TBXAS1: variants seen among roughly 807,000 people sequenced by gnomAD.
TBXAS1 encodes the protein thromboxane-A synthase.
In TBXAS1, 48 loss-of-function variants were observed where a neutral mutation model predicts 60.7. The observed-to-expected ratio is 0.79, with a 90% CI of 0.63 to 1.01. The LOEUF (loss-of-function observed/expected upper bound fraction) is 1.01, where lower values mean the gene tolerates loss of function less well. TBXAS1 is among the 50% of genes least tolerant of loss of function. The pLI is 0.00. For synonymous variants in TBXAS1, 287 were observed against 269.7 expected, an observed-to-expected ratio of 1.06 and a Z score of -0.63; for missense variants, 685 against 686.3, an observed-to-expected ratio of 1.00 and a Z score of 0.02.
At chr7:139,997,208 T>C (rs115954105) in intron 9 of TBXAS1, among the ~76,000 whole-genome samples, 361 of 152,026 alleles carry the variant, frequency 2.4e-3, no homozygotes, top group African/African-American at 7.5e-3. Flanking sequence ...CTAATCGGAG[T>C]AAATAGAGGG....
chr7:139,906,229 G>T, intron 3 of TBXAS1: 1 of 190,604 alleles, frequency 5.2e-6, no homozygotes, highest in Non-Finnish European at 1.1e-5. Context: ...ATAGTTATTT[G>T]TATTTTTAGT....
At chr7:140,017,641 T>G (rs1569525554) in intron 11 of TBXAS1, 30 bp from the exon 12 acceptor site, 4 of 1,610,542 alleles carry the variant, frequency 2.5e-6, no homozygotes, top group Non-Finnish European at 3.4e-6. Flanking sequence ...GCGGGTGTTC[T>G]GGGCCAGCCC....
intron 9 of TBXAS1, among the ~76,000 whole-genome samples, chr7:139,969,730 G>A (rs1363175735): frequency 6.6e-6 from 1 of 152,118 alleles, no homozygotes; most frequent in Non-Finnish European, 1.5e-5. Context: ...GCTGGGGTCG[G>A]GCTACCCACA....
intron 3 of TBXAS1, among the ~76,000 whole-genome samples, chr7:139,886,108 C>T (rs985273392): frequency 5.3e-5 from 8 of 152,160 alleles, no homozygotes; most frequent in African/African-American, 1.9e-4. Flanking sequence ...TAGCAAGGCC[C>T]CACCAAGTTT....
At chr7:139,825,070 C>G (rs990091167), upstream of TBXAS1, among the ~76,000 whole-genome samples, 1 of 151,958 alleles carries the variant, frequency 6.6e-6, no homozygotes, top group African/African-American at 2.4e-5. Flanking sequence ...CTCTGGTGAT[C>G]CACCTGCCTC....
chr7:139,874,319 C>T (rs1460653237), intron 2 of TBXAS1, among the ~76,000 whole-genome samples: 5 of 152,092 alleles, frequency 3.3e-5, no homozygotes, highest in Non-Finnish European at 5.9e-5. Context: ...AGTTGTATTC[C>T]GTGGAATAAT....
chr7:139,802,646 G>GT (rs1319796644), intron 4 of TBXAS1, among the ~76,000 whole-genome samples: 1 of 152,190 alleles, frequency 6.6e-6, no homozygotes, highest in Non-Finnish European at 1.5e-5. Flanking sequence ...TTAGCTGGGT[G>GT]TGGTGGCGTG....
At chr7:139,839,984 CAAAAAAA>C (rs563726492) in intron 1 of TBXAS1, among the ~76,000 whole-genome samples, 3 of 109,318 alleles carry the variant, frequency 2.7e-5, no homozygotes, top group Non-Finnish European at 5.5e-5. Context: ...AACTCTGTCT[CAAAAAAA>C]AAAAAAAAAA....
chr7:140,004,896 C>A lies in TBXAS1; in HGVS notation c.1135-2195C>A, dbSNP rs1463700108. Among the ~76,000 whole-genome samples the A allele has an allele frequency of 2.6e-5, 4 of 152,180 alleles. No homozygotes were observed. Among genetic ancestry groups the A allele is most frequent in the African/African-American group, 9.7e-5 (4 of 41,430 alleles). ...CGCCACATACACTGTGTGCTGCCAG[C>A]CTAGGGCAGGGACGGCCACCACCAT... On this transcript the variant is annotated intron_variant, in intron 9 of 12. Coordinates refer to ENST00000448866, the MANE Select transcript of TBXAS1 (RefSeq NM_001061.7). The surrounding 1 kb of genome is among the most constrained non-coding windows in gnomAD (Gnocchi z 5.1).
In TBXAS1 at chr7:139,890,361, G is replaced by A. The variant is rs186238432; in HGVS notation, c.236+14724G>A. 7.7e-3 allele frequency among the ~76,000 whole-genome samples: 1,164 copies of A among 151,748 alleles called. 15 individuals are homozygous for A. Among genetic ancestry groups the A allele is most frequent in the African/African-American group, 0.026 (1,089 of 41,446 alleles). Reference sequence around the variant, plus strand: ...CTCCCGAGTAGCTGGGACTACAGGCGCCCGCCACTGCGCCCGGCTAATTTT... The same window carrying A: ...CTCCCGAGTAGCTGGGACTACAGGCACCCGCCACTGCGCCCGGCTAATTTT... On this transcript the variant is annotated intron_variant, in intron 3 of 12. Coordinates refer to ENST00000448866, the MANE Select transcript of TBXAS1 (RefSeq NM_001061.7).
chr7:139,833,060 A>C (rs1480838271), intron 1 of TBXAS1, among the ~76,000 whole-genome samples: 1 of 152,204 alleles, frequency 6.6e-6, no homozygotes, highest in East Asian at 1.9e-4. Context: ...GCTAAAAAGC[A>C]AAAGCAAAAA....
At chr7:139,905,705 T>A (rs1204900214) in intron 3 of TBXAS1, among the ~76,000 whole-genome samples, 1 of 152,226 alleles carries the variant, frequency 6.6e-6, no homozygotes, top group Non-Finnish European at 1.5e-5. Context: ...CAATTCTTCT[T>A]TGAATGTCTG....
At chr7:139,792,417 C>T (rs563121335) in intron 4 of TBXAS1, among the ~76,000 whole-genome samples, 1 of 152,282 alleles carries the variant, frequency 6.6e-6, no homozygotes, top group African/African-American at 2.4e-5. Flanking sequence ...TGTTTACTGG[C>T]CTGCATTATC....
chr7:139,950,496 T>C (rs1446450026), intron 5 of TBXAS1, among the ~76,000 whole-genome samples: 1 of 152,208 alleles, frequency 6.6e-6, no homozygotes, highest in African/African-American at 2.4e-5. Flanking sequence ...GAGTCTCAGA[T>C]GCTCTGCTAT....
At chr7:139,884,195 A>G (rs1802905785) in intron 3 of TBXAS1, among the ~76,000 whole-genome samples, 1 of 152,254 alleles carries the variant, frequency 6.6e-6, no homozygotes, top group Admixed American at 6.5e-5. Context: ...TGCAGAGACC[A>G]GCTCCCGCAC....
At chr7:139,820,400 T>C (rs988421556) in intron 4 of TBXAS1, among the ~76,000 whole-genome samples, 2 of 152,118 alleles carry the variant, frequency 1.3e-5, no homozygotes, top group African/African-American at 4.8e-5. Flanking sequence ...CAAGAGCAAC[T>C]TGTAGTTGAC....
chr7:139,932,537 A>AC (rs1807418585), intron 4 of TBXAS1, among the ~76,000 whole-genome samples: 1 of 151,570 alleles, frequency 6.6e-6, no homozygotes, highest in African/African-American at 2.4e-5. Flanking sequence ...TCTCAGGGTC[A>AC]CAAAAAAAAA....
intron 1 of TBXAS1, among the ~76,000 whole-genome samples, chr7:139,851,825 G>A (rs1024743961): frequency 6.6e-6 from 1 of 152,174 alleles, no homozygotes; most frequent in East Asian, 1.9e-4. Context: ...GGGCCCTCTG[G>A]ATCCTTGCCC....
At chr7:139,974,714 C>A (rs907017411) in intron 9 of TBXAS1, among the ~76,000 whole-genome samples, 1 of 152,180 alleles carries the variant, frequency 6.6e-6, no homozygotes, top group African/African-American at 2.4e-5. Context: ...TACTCTCATT[C>A]GCCTTTCTGT....
Sources: allele counts gnomAD v4.1 joint callset (sites outside exome capture counted in the v4.1 genomes callset), GRCh38; gene constraint gnomAD v4.1.1; non-coding constraint Gnocchi (gnomAD v3.1); transcripts MANE v1.5; gene names NCBI Gene and HGNC (gene_info 2026-07-23, HGNC 2026-07-21).